Variants in NRXN3 observed in about 807,000 individuals in gnomAD.
The protein encoded by NRXN3 is neurexin III.
Under a neutral mutation model 137.6 loss-of-function variants are expected in NRXN3, and 32 were observed. The observed-to-expected ratio is 0.23, with a 90% CI of 0.18 to 0.31. NRXN3 has a LOEUF of 0.31. Among genes scored for constraint, NRXN3 ranks in the 10% least tolerant of loss-of-function variants. NRXN3 has a pLI of 1.00. For missense variants in NRXN3, 1,574 were observed against 2,062.5 expected (o/e 0.76, Z 4.59); for synonymous variants, 798 against 784.5 (o/e 1.02, Z -0.29).
intron 15 of NRXN3, among the ~76,000 whole-genome samples, chr14:79,038,820 C>A (rs777334196): frequency 3.9e-5 from 6 of 152,110 alleles, no homozygotes; most frequent in Non-Finnish European, 8.8e-5. Flanking sequence ...GCAGGAATCC[C>A]TCGCTACCTG....
At chr14:78,938,907 CA>C (rs2099347494) in intron 10 of NRXN3, among the ~76,000 whole-genome samples, 1 of 148,502 alleles carries the variant, frequency 6.7e-6, no homozygotes, top group South Asian at 2.1e-4. Flanking sequence ...TGCAGTGGCG[CA>C]ATCTCGGCTC....
At chr14:78,438,761 A>G (rs1019630141) in intron 4 of NRXN3, among the ~76,000 whole-genome samples, 7 of 152,172 alleles carry the variant, frequency 4.6e-5, no homozygotes, top group African/African-American at 7.2e-5. Flanking sequence ...TGAAAGAGGC[A>G]TAGGAAAAGT....
intron 2 of NRXN3, among the ~76,000 whole-genome samples, chr14:78,264,815 T>G (rs1310281260): frequency 2.0e-5 from 3 of 152,240 alleles, no homozygotes; most frequent in Admixed American, 1.3e-4. Context: ...AGATTAGAGC[T>G]CAGCCAGTGT....
intron 16 of NRXN3, among the ~76,000 whole-genome samples, chr14:79,486,122 C>T (rs564310947): frequency 1.6e-3 from 239 of 152,162 alleles, no homozygotes; most frequent in South Asian, 9.6e-3. Flanking sequence ...CAAATTGCTA[C>T]GTAAACCATC....
intron 4 of NRXN3, among the ~76,000 whole-genome samples, chr14:78,507,939 C>G (rs965091355): frequency 6.6e-6 from 1 of 152,118 alleles, no homozygotes; most frequent in Non-Finnish European, 1.5e-5. Flanking sequence ...ATATAGTTCT[C>G]TTTATACAGA....
In NRXN3 at chr14:79,158,626, A is replaced by C. The variant is rs189093198; in HGVS notation, c.3262+170485A>C. Reference sequence around the variant, plus strand: ...TGCTCACCTTTGAAGATGGTGGCATAATTAAAGAATTACAAGGGGATTTCA... The same window carrying C: ...TGCTCACCTTTGAAGATGGTGGCATCATTAAAGAATTACAAGGGGATTTCA... On this transcript the variant is annotated intron_variant, in intron 15 of 20. Coordinates refer to ENST00000335750, the MANE Select transcript of NRXN3 (RefSeq NM_001330195.2). 1.8e-3 allele frequency among the ~76,000 whole-genome samples: 270 copies of C among 151,948 alleles called. 1 individual carries two copies. The highest frequency in any genetic ancestry group is 3.1e-3 in the Non-Finnish European group (209 of 67,864).
intron 15 of NRXN3, among the ~76,000 whole-genome samples, chr14:79,067,336 G>A (rs1325749169): frequency 6.6e-6 from 1 of 152,116 alleles, no homozygotes; most frequent in Non-Finnish European, 1.5e-5. Flanking sequence ...TGGTGGATAA[G>A]CTTTTTGATG....
chr14:78,928,083 G>A (rs2099311102), intron 10 of NRXN3, among the ~76,000 whole-genome samples: 1 of 152,126 alleles, frequency 6.6e-6, no homozygotes, highest in Non-Finnish European at 1.5e-5. Flanking sequence ...CCAAATCCCA[G>A]TTGTCCACAG....
intron 8 of NRXN3, among the ~76,000 whole-genome samples, chr14:78,785,774 A>G (rs2098787479): frequency 6.6e-6 from 1 of 152,134 alleles, no homozygotes; most frequent in South Asian, 2.1e-4. Flanking sequence ...CCTACCCCAC[A>G]ATCCTATTTC....
At chr14:79,779,285 G>C (rs140953205) in intron 19 of NRXN3, among the ~76,000 whole-genome samples, 277 of 152,064 alleles carry the variant, frequency 1.8e-3, no homozygotes, top group African/African-American at 4.9e-3. Flanking sequence ...CGGCTTTTTT[G>C]TATTTTTAGT....
intron 20 of NRXN3, among the ~76,000 whole-genome samples, chr14:79,842,813 C>G (rs1263921306): frequency 6.6e-6 from 1 of 152,044 alleles, no homozygotes; most frequent in Non-Finnish European, 1.5e-5. Context: ...AACTACAGTC[C>G]TCTGCACATT....
chr14:78,877,288 C>G (rs1161694224), intron 10 of NRXN3, among the ~76,000 whole-genome samples: 1 of 152,150 alleles, frequency 6.6e-6, no homozygotes, highest in African/African-American at 2.4e-5. Flanking sequence ...TATTTGTAAA[C>G]ATCATGTTGT....
chr14:79,323,821 G>A (rs924345967), intron 15 of NRXN3, among the ~76,000 whole-genome samples: 18 of 151,990 alleles, frequency 1.2e-4, no homozygotes, highest in African/African-American at 4.3e-4. Context: ...TTGCGCCACT[G>A]CACTACAGCC....
intron 9 of NRXN3, among the ~76,000 whole-genome samples, chr14:78,807,958 C>T (rs2098887138): frequency 6.6e-6 from 1 of 151,874 alleles, no homozygotes; most frequent in Non-Finnish European, 1.5e-5. Flanking sequence ...GCCTTCCCAA[C>T]TCAGTTCTTT....
intron 15 of NRXN3, among the ~76,000 whole-genome samples, chr14:79,407,949 T>A (rs1284133988): frequency 6.6e-6 from 1 of 152,188 alleles, no homozygotes; most frequent in African/African-American, 2.4e-5. Context: ...GGAGGGAAGT[T>A]GAATATTGGT....
chr14:78,763,172 A>G (rs1431888620), intron 8 of NRXN3, among the ~76,000 whole-genome samples: 2 of 152,230 alleles, frequency 1.3e-5, no homozygotes, highest in Non-Finnish European at 2.9e-5. Context: ...GGTCCACTGC[A>G]TTAATCACAT....
rs1442269727 is a variant in NRXN3, at chr14:79,864,655, G to A, written c.*2691G>A. 2 of 152,162 alleles carry A rather than the reference G, an allele frequency of 1.3e-5. No individual in the cohort carries two copies. Among genetic ancestry groups the A allele is most frequent in the Non-Finnish European group, 2.9e-5 (2 of 68,024 alleles). 9.4% of individuals were successfully genotyped at this position (152,162 alleles called of 1,614,324 possible). A position where few individuals can be genotyped will look rare whatever the true frequency, so the allele number is the denominator to read the frequency against. ...TATGATAGAATAACCAGGAGGGAGT[G>A]CATTTTTCTGGAAAGATGATAGAAA... On this transcript the variant is annotated 3_prime_UTR_variant, in exon 21 of 21. Transcript: ENST00000335750.
intron 2 of NRXN3, among the ~76,000 whole-genome samples, chr14:78,266,747 A>G (rs910232506): frequency 6.6e-6 from 1 of 152,184 alleles, no homozygotes; most frequent in Non-Finnish European, 1.5e-5. Flanking sequence ...TCAAAAAAAG[A>G]TTCTTTTAGG....
intron 19 of NRXN3, among the ~76,000 whole-genome samples, chr14:79,706,847 A>C (rs1458423330): frequency 6.6e-6 from 1 of 152,112 alleles, no homozygotes; most frequent in Non-Finnish European, 1.5e-5. Flanking sequence ...CTTAGAGCTA[A>C]GTGATTGTAC....
Sources: allele counts gnomAD v4.1 joint callset (sites outside exome capture counted in the v4.1 genomes callset), GRCh38; gene constraint gnomAD v4.1.1; transcripts MANE v1.5; gene names NCBI Gene and HGNC (gene_info 2026-07-23, HGNC 2026-07-21).